The following DLGAP2 variants were observed in gnomAD, a reference collection of about 807,000 sequenced individuals.
DLGAP2 encodes the protein disks large-associated protein 2.
In DLGAP2, 26 loss-of-function variants were observed where a neutral mutation model predicts 100.3. That is an observed-to-expected ratio of 0.26 (90% CI 0.19 to 0.36). The LOEUF is 0.36. Ranked by LOEUF, DLGAP2 falls within the 10% of genes least tolerant of loss-of-function variation. The probability of loss-of-function intolerance (pLI) is 1.00; values close to 1 mark genes in which losing one functional copy is unlikely to be tolerated. For missense variants in DLGAP2, 1,858 were observed against 1,453.2 expected, an observed-to-expected ratio of 1.28 and a Z score of -4.53; for synonymous variants, 886 against 630.1, an observed-to-expected ratio of 1.41 and a Z score of -6.08.
At chr8:1,505,109 T>A (rs1020784595) in intron 4 of DLGAP2, among the ~76,000 whole-genome samples, 5 of 152,196 alleles carry the variant, frequency 3.3e-5, no homozygotes, top group African/African-American at 1.2e-4. Context: ...TTTAGACATT[T>A]GTTTTTCCAA....
chr8:917,222 C>T (rs1480029820), intron 2 of DLGAP2, among the ~76,000 whole-genome samples: 2 of 145,994 alleles, frequency 1.4e-5, no homozygotes, highest in African/African-American at 2.5e-5. Context: ...TCCATCCCTC[C>T]CTCCCTCCCT....
chr8:1,219,522 A>C (rs1298150453), intron 2 of DLGAP2, among the ~76,000 whole-genome samples: 2 of 152,020 alleles, frequency 1.3e-5, no homozygotes, highest in Non-Finnish European at 1.5e-5. Flanking sequence ...ATTTGTTAGT[A>C]TTTTGCTGAG....
chr8:1,136,140 A>T (rs773963336), intron 2 of DLGAP2, among the ~76,000 whole-genome samples: 3 of 152,132 alleles, frequency 2.0e-5, no homozygotes, highest in Non-Finnish European at 4.4e-5. Context: ...TGCCAGGTAG[A>T]AGTAGTGAGG....
chr8:1,475,533 C>T (rs908473209), intron 3 of DLGAP2, among the ~76,000 whole-genome samples: 2 of 152,272 alleles, frequency 1.3e-5, no homozygotes, highest in South Asian at 2.1e-4. Flanking sequence ...CAGGCTGTTT[C>T]GTGAGGATCA....
chr8:1,384,386 G>A lies in DLGAP2; in HGVS notation c.107-116980G>A, dbSNP rs1455533846. 3.0e-3 allele frequency among the ~76,000 whole-genome samples: 361 copies of A among 120,560 alleles called. 1 individual carries two copies. Among genetic ancestry groups the A allele is most frequent in the African/African-American group, 0.01 (332 of 32,608 alleles). The allele number at this position is 120,560 out of a possible 152,430, so 79.1% of individuals were successfully genotyped here. A position where few individuals can be genotyped will look rare whatever the true frequency, so the allele number is the denominator to read the frequency against. On this transcript the variant is annotated intron_variant, in intron 3 of 14. Transcript: ENST00000637795. Reference sequence around the variant, plus strand: ...TGCACAGTTACCCCGGCCTGTGCCCGGCCCCTGAGAACTTGGTGCTCAGTT... The same window carrying A: ...TGCACAGTTACCCCGGCCTGTGCCCAGCCCCTGAGAACTTGGTGCTCAGTT...
intron 3 of DLGAP2, among the ~76,000 whole-genome samples, chr8:1,320,882 C>T (rs1456790384): frequency 6.6e-6 from 1 of 151,906 alleles, no homozygotes; most frequent in Non-Finnish European, 1.5e-5. Context: ...TGTGTGTGCA[C>T]ATGTCTGTAT....
intron 3 of DLGAP2, among the ~76,000 whole-genome samples, chr8:1,290,612 G>C (rs1030467825): frequency 1.3e-5 from 2 of 152,342 alleles, no homozygotes; most frequent in East Asian, 1.9e-4. Context: ...ACACCAGAAA[G>C]ACCAGAAAGG....
intron 2 of DLGAP2, among the ~76,000 whole-genome samples, chr8:1,229,495 T>C (rs1371992627): frequency 2.0e-5 from 3 of 152,192 alleles, no homozygotes; most frequent in Admixed American, 6.5e-5. Flanking sequence ...CTCTAGATTT[T>C]CTAGTTTGTG....
In DLGAP2 at chr8:880,425, G is replaced by C. The variant is rs187878887; in HGVS notation, c.19-27487G>C. Among the ~76,000 whole-genome samples, 46 of 152,324 alleles carry C rather than the reference G, an allele frequency of 3.0e-4. 1 individual carries two copies. Among genetic ancestry groups the C allele is most frequent in the Admixed American group, 2.9e-3 (44 of 15,304 alleles). On this transcript the variant is annotated intron_variant, in intron 1 of 14. Transcript: ENST00000637795. The stretch of plus-strand genomic sequence containing the variant: ...GGTTCTGCTATCTGGCTCCTGTGCG[G>C]GGTGACCGTCCAGTGTGTGTCCCCT...
intron 2 of DLGAP2, among the ~76,000 whole-genome samples, chr8:1,135,410 C>T (rs977076809): frequency 3.3e-5 from 5 of 149,524 alleles, no homozygotes; most frequent in African/African-American, 7.4e-5. Context: ...TTTGAGGGTG[C>T]GTCAGTGGAG....
chr8:1,329,860 A>G (rs773354531), intron 3 of DLGAP2, among the ~76,000 whole-genome samples: 2 of 152,218 alleles, frequency 1.3e-5, no homozygotes, highest in Non-Finnish European at 2.9e-5. Context: ...AGGATATTTC[A>G]GAACCTTGTC....
intron 2 of DLGAP2, among the ~76,000 whole-genome samples, chr8:1,233,406 G>A (rs1798578185): frequency 6.6e-6 from 1 of 152,204 alleles, no homozygotes; most frequent in Non-Finnish European, 1.5e-5. Context: ...TGGGAGCAAG[G>A]GCGTGCCTGT....
intron 3 of DLGAP2, among the ~76,000 whole-genome samples, chr8:1,295,672 A>G (rs1800154922): frequency 6.6e-6 from 1 of 152,184 alleles, no homozygotes; most frequent in Admixed American, 6.5e-5. Flanking sequence ...GCCAATTTGG[A>G]TCCTTTAAAA....
chr8:1,192,514 G>A (rs66506945), intron 2 of DLGAP2, among the ~76,000 whole-genome samples: 42,247 of 151,628 alleles, frequency 0.28, 6,632 homozygotes, highest in Middle Eastern at 0.43. Context: ...CTGCTCCTCC[G>A]TCTGTCTGAA....
intron 3 of DLGAP2, among the ~76,000 whole-genome samples, chr8:1,316,790 C>G (rs116920569): frequency 0.045 from 6,385 of 140,838 alleles, 423 homozygotes; most frequent in Middle Eastern, 0.12. Flanking sequence ...CCACAGTGGT[C>G]TACACTCGAG....
At chr8:1,037,799 G>A (rs1802178425) in intron 2 of DLGAP2, among the ~76,000 whole-genome samples, 1 of 152,132 alleles carries the variant, frequency 6.6e-6, no homozygotes, top group African/African-American at 2.4e-5. Flanking sequence ...TCAGCCAGGG[G>A]CTCTCCAGCG....
chr8:804,940 G>T (rs1010450489), intron 1 of DLGAP2, among the ~76,000 whole-genome samples: 3 of 151,784 alleles, frequency 2.0e-5, no homozygotes, highest in African/African-American at 4.8e-5. Flanking sequence ...AATTTTTTTT[G>T]TTTGTTTTTT....
At chr8:884,200 C>G (rs1563078720) in intron 1 of DLGAP2, among the ~76,000 whole-genome samples, 1 of 152,298 alleles carries the variant, frequency 6.6e-6, no homozygotes, top group Non-Finnish European at 1.5e-5. Context: ...GTTCTGGAAC[C>G]TTGAGGAATT....
chr8:902,567 A>G (rs1163372765), intron 1 of DLGAP2, among the ~76,000 whole-genome samples: 7 of 103,246 alleles, frequency 6.8e-5, no homozygotes, highest in Non-Finnish European at 1.3e-4. Flanking sequence ...ACAAGAAAAC[A>G]GCGGGGCTGG....
Sources: gnomAD v4.1 joint callset for allele counts (sites outside exome capture counted in the v4.1 genomes callset) on GRCh38, gnomAD v4.1.1 for gene constraint, MANE v1.5 for transcripts, NCBI Gene and HGNC (gene_info 2026-07-23, HGNC 2026-07-21) for gene names.